Variants in YIPF1 observed in about 807,000 individuals in gnomAD.
YIPF1 encodes Yip1 domain family member 1, also known as protein YIPF1.
YIPF1 carries 22 observed loss-of-function variants against 37.0 expected under a neutral mutation model. The observed-to-expected ratio is 0.59, with a 90% CI of 0.42 to 0.85. The LOEUF (loss-of-function observed/expected upper bound fraction) is 0.85. Ranked by LOEUF, YIPF1 falls within the 40% of genes least tolerant of loss-of-function variation. The pLI is 0.00. For missense variants in YIPF1, 355 were observed against 373.1 expected (o/e 0.95, Z 0.40); for synonymous variants, 128 against 131.9 (o/e 0.97, Z 0.21).
At chr1:53,887,996 G>A (rs1213409333) in intron 3 of YIPF1, among the ~76,000 whole-genome samples, 1 of 152,244 alleles carries the variant, frequency 6.6e-6, no homozygotes, top group Non-Finnish European at 1.5e-5. Flanking sequence ...GGAAGGCCAA[G>A]ATGGGTGGAT....
At chr1:53,885,968 G>GT (rs1650642047) in intron 3 of YIPF1, among the ~76,000 whole-genome samples, 1 of 151,722 alleles carries the variant, frequency 6.6e-6, no homozygotes, top group Non-Finnish European at 1.5e-5. Context: ...AGTGTACCCT[G>GT]TAAGTATATA....
At chr1:53,866,098 C>T in intron 9 of YIPF1, 102 bp downstream of exon 9, 1 of 1,436,390 alleles carries the variant, frequency 7.0e-7, no homozygotes, top group Non-Finnish European at 9.4e-7. Flanking sequence ...ACATGCCCAG[C>T]CCATGGACTC....
intron 9 of YIPF1, among the ~76,000 whole-genome samples, chr1:53,861,323 G>T (rs531871990): frequency 6.6e-6 from 1 of 152,212 alleles, no homozygotes; most frequent in Admixed American, 6.5e-5. Flanking sequence ...GGCTCCTCCA[G>T]TTCTCCCTCA....
intron 7 of YIPF1, among the ~76,000 whole-genome samples, chr1:53,868,815 TA>T (rs1284782725): frequency 6.6e-6 from 1 of 152,174 alleles, no homozygotes; most frequent in African/African-American, 2.4e-5. Context: ...TAAGAACAGG[TA>T]AAGACTCTCC....
At chr1:53,879,468 T>A (rs187504803) in intron 4 of YIPF1, among the ~76,000 whole-genome samples, 2 of 151,716 alleles carry the variant, frequency 1.3e-5, no homozygotes, top group Non-Finnish European at 2.9e-5. Flanking sequence ...AAAAATCTGA[T>A]ATATTGACTC....
intron 6 of YIPF1, among the ~76,000 whole-genome samples, chr1:53,871,922 C>T (rs1469322357): frequency 6.6e-6 from 1 of 151,830 alleles, no homozygotes; most frequent in Non-Finnish European, 1.5e-5. Context: ...GCTTGTGCAG[C>T]ATACAGAAAG....
At chr1:53,866,063 G>A (rs1337318597) in intron 9 of YIPF1, 137 bp downstream of exon 9, 2 of 1,123,966 alleles carry the variant, frequency 1.8e-6, no homozygotes, top group South Asian at 3.4e-5. Context: ...GCCTCCCAAA[G>A]TATTGGGATT....
chr1:53,866,093 C>A, intron 9 of YIPF1, 107 bp downstream of exon 9: 1 of 1,411,808 alleles, frequency 7.1e-7, no homozygotes, highest in Non-Finnish European at 9.6e-7. Context: ...AGCCAACATG[C>A]CCAGCCCATG....
chr1:53,877,694 T>C (rs1297706312), intron 6 of YIPF1, among the ~76,000 whole-genome samples: 1 of 152,170 alleles, frequency 6.6e-6, no homozygotes, highest in Non-Finnish European at 1.5e-5. Flanking sequence ...ACTCAGCATA[T>C]CAATGAAAAA....
At chr1:53,883,417 A>G in intron 3 of YIPF1, 141 bp from the exon 4 acceptor site, 1 of 875,196 alleles carries the variant, frequency 1.1e-6, no homozygotes, top group Non-Finnish European at 1.6e-6. Context: ...TTTGAAAAAC[A>G]AAAAATCTCA....
At chr1:53,857,001 C>T (rs945602609) in intron 10 of YIPF1, among the ~76,000 whole-genome samples, 2 of 152,180 alleles carry the variant, frequency 1.3e-5, no homozygotes, top group African/African-American at 4.8e-5. Context: ...CTATCAGACT[C>T]GATTGCCTCT....
chr1:53,858,050 C>T (rs997388144), intron 10 of YIPF1, among the ~76,000 whole-genome samples: 7 of 151,194 alleles, frequency 4.6e-5, no homozygotes, highest in African/African-American at 1.7e-4. Flanking sequence ...TGCCCCAGAA[C>T]TCTGGGGTGG....
chr1:53,853,072 T>C (rs1267259448), intron 10 of YIPF1, among the ~76,000 whole-genome samples: 1 of 152,146 alleles, frequency 6.6e-6, no homozygotes, highest in Non-Finnish European at 1.5e-5. Flanking sequence ...ACAATCTACC[T>C]TGATGCTGAG....
intron 3 of YIPF1, 34 bp from the exon 4 acceptor site, chr1:53,883,310 C>A (rs775179536): frequency 2.0e-6 from 3 of 1,497,106 alleles, no homozygotes; most frequent in Middle Eastern, 1.8e-4. Flanking sequence ...GCCTCAGAAA[C>A]CTTACCCACA....
chr1:53,874,750 G>A (rs1650291195), intron 6 of YIPF1, among the ~76,000 whole-genome samples: 1 of 152,198 alleles, frequency 6.6e-6, no homozygotes, highest in African/African-American at 2.4e-5. Flanking sequence ...CTGGGTGACA[G>A]AGTGAGACTC....
At position 53,878,392 on chromosome 1, in the gene YIPF1, C is replaced by T. The variant is rs1362699104; in HGVS notation, c.287G>A (p.Arg96Lys). The change falls in exon 6 of 11, where the codon AGA becomes AAA. Residue 96 changes from arginine (R) to lysine (K), a missense_variant. By Grantham distance (26) the Arg-to-Lys change is conservative. Transcript: ENST00000072644. Reference protein sequence around the residue: ...FDVDTYQVFDRIKGSLLPIPG... With the variant: ...FDVDTYQVFDKIKGSLLPIPG... ...TATTGGCAAAAGAGATCCTTTAATT[C>T]TGTCAAAGACCTGGAAAACATCATA... 1 of 1,613,948 alleles carries T rather than the reference C, an allele frequency of 6.2e-7. No homozygotes were observed. The highest frequency in any genetic ancestry group is 1.3e-5 in the African/African-American group (1 of 74,938).
chr1:53,885,691 G>GACA (rs910382155), intron 3 of YIPF1, among the ~76,000 whole-genome samples: 1 of 151,238 alleles, frequency 6.6e-6, no homozygotes, highest in Non-Finnish European at 1.5e-5. Context: ...CATGTTGGTG[G>GACA]ACACGTGTAA....
chr1:53,875,667 C>T (rs906464428), intron 6 of YIPF1, among the ~76,000 whole-genome samples: 7 of 152,216 alleles, frequency 4.6e-5, no homozygotes, highest in African/African-American at 1.7e-4. Context: ...TCCCCCTGTT[C>T]ACTCTCATCC....
At chr1:53,872,452 A>G (rs79778332) in intron 6 of YIPF1, among the ~76,000 whole-genome samples, 2,646 of 152,344 alleles carry the variant, frequency 0.017, 79 homozygotes, top group African/African-American at 0.061. Flanking sequence ...GTTTTAAGAT[A>G]TACCACTGAG....
Sources: allele counts gnomAD v4.1 joint callset (sites outside exome capture counted in the v4.1 genomes callset), GRCh38; gene constraint gnomAD v4.1.1; transcripts MANE v1.5; gene names NCBI Gene and HGNC (gene_info 2026-07-23, HGNC 2026-07-21).